The following UXT variants were observed in gnomAD, a reference collection of about 807,000 sequenced individuals.
UXT encodes ubiquitously expressed prefoldin like chaperone.
For missense variants in UXT, 111 were observed against 132.7 expected, an observed-to-expected ratio of 0.84 and a Z score of 0.80; for synonymous variants, 54 against 52.8, an observed-to-expected ratio of 1.02 and a Z score of -0.10.
chrX:47,656,788 T>A (rs1029526862), intron 4 of UXT, among the ~76,000 whole-genome samples: 1 of 111,672 alleles, frequency 9.0e-6, no homozygotes, highest in Non-Finnish European at 1.9e-5. Flanking sequence ...AGTGAAATCA[T>A]AGGTAACTAG....
intron 1 of UXT, 101 bp downstream of exon 2, chrX:47,658,729 G>C: frequency 1.9e-6 from 2 of 1,034,974 alleles, no homozygotes; most frequent in Non-Finnish European, 2.5e-6. Flanking sequence ...GCCGGACTCT[G>C]AACGCCTCGC....
In UXT at chrX:47,658,950, AG is replaced by A; in HGVS notation, c.13del (p.Leu5SerfsTer60). 1 of 1,208,725 alleles carries A rather than the reference AG, an allele frequency of 8.3e-7. No homozygotes were observed. Among genetic ancestry groups the A allele is most frequent in the Non-Finnish European group, 1.1e-6 (1 of 893,643 alleles). Reference sequence around the variant, plus strand: ...CATGATGGGCTCCTGGGGAGTGGGGAGGGGGAAGACCATGTTGACCGATCCA... The same window carrying A: ...CATGATGGGCTCCTGGGGAGTGGGGAGGGGAAGACCATGTTGACCGATCCA... On this transcript the variant is annotated frameshift_variant, in exon 1 of 6. Transcript: ENST00000335890. LOFTEE classifies it high-confidence loss of function.
chrX:47,657,183 T>C lies in UXT; in HGVS notation c.392A>G (p.Glu131Gly), dbSNP rs2058086226. The change falls in exon 4 of 6, where the codon GAG becomes GGG. Residue 131 changes from glutamate (E) to glycine (G), a missense_variant and splice_region_variant. By Grantham distance (98) the Glu-to-Gly change is moderately conservative. Coordinates refer to ENST00000335890, the MANE Select transcript of UXT (RefSeq NM_153477.3). Reference sequence around the variant, plus strand: ...CACTATCCTCATGGAATGGACTTACTCTGTGAGGAGAGAGCTCTTACGATC... The same window carrying C: ...CACTATCCTCATGGAATGGACTTACCCTGTGAGGAGAGAGCTCTTACGATC... 6.7e-6 allele frequency: 8 copies of C among 1,193,128 alleles called. No individual in the cohort carries two copies. Among genetic ancestry groups the C allele is most frequent in the Non-Finnish European group, 9.1e-6 (8 of 883,886 alleles).
At chrX:47,653,350 C>T (rs2058073964) in intron 4 of UXT, among the ~76,000 whole-genome samples, 1 of 112,028 alleles carries the variant, frequency 8.9e-6, no homozygotes, top group African/African-American at 3.3e-5. Flanking sequence ...CCAGAACTCT[C>T]TCCTGAACTT....
In UXT at chrX:47,651,865, A is replaced by T. The variant is rs781096016; in HGVS notation, c.487T>A (p.Phe163Ile). 1 of 1,211,740 alleles carries T rather than the reference A, an allele frequency of 8.3e-7. No individual in the cohort carries two copies. Among genetic ancestry groups the T allele is most frequent in the East Asian group, 3.0e-5 (1 of 33,865 alleles). The stretch of plus-strand genomic sequence containing the variant: ...AGTCAATGGTGAGGCTTCTCTGGGA[A>T]ATTCTGCAGGCCTTGTAGTTCTCTA... The change falls in exon 6 of 6, where the codon TTC becomes ATC. Residue 163 changes from phenylalanine (F) to isoleucine (I), a missense_variant. Phe to Ile is a conservative substitution (Grantham distance 21). Coordinates refer to ENST00000335890, the MANE Select transcript of UXT (RefSeq NM_153477.3).
At chrX:47,654,532 T>A (rs1012450779) in intron 4 of UXT, among the ~76,000 whole-genome samples, 26 of 111,411 alleles carry the variant, frequency 2.3e-4, no homozygotes, top group Non-Finnish European at 7.5e-5. Context: ...TATAATTACA[T>A]GTCTATTCAT....
intron 4 of UXT, among the ~76,000 whole-genome samples, chrX:47,655,258 C>T (rs1027508324): frequency 1.8e-5 from 2 of 112,134 alleles, no homozygotes; most frequent in Non-Finnish European, 3.8e-5. Flanking sequence ...CCAGCCTGGG[C>T]GACAAGAGCA....
rs2147948250 is a variant in UXT, at chrX:47,651,857, C to T, written c.495G>A (p.Glu165=). ...GGGGAAGAAGTCAATGGTGAGGCTT[C>T]TCTGGGAAATTCTGCAGGCCTTGTA... Residue 165 remains glutamate (E), a synonymous_variant, in exon 6 of 6, where the codon GAG becomes GAA. Coordinates refer to ENST00000335890, the MANE Select transcript of UXT (RefSeq NM_153477.3). 8.3e-7 allele frequency: 1 copy of T among 1,211,564 alleles called. No individual in the cohort carries two copies. The highest frequency in any genetic ancestry group is 1.1e-6 in the Non-Finnish European group (1 of 895,321).
Position 47,657,793 on chromosome X carries a change from C to T in UXT, c.205G>A (p.Glu69Lys), listed in dbSNP as rs1603100827. The T allele has an allele frequency of 1.7e-6, 2 of 1,183,650 alleles. No homozygotes were observed. The highest frequency in any genetic ancestry group is 3.0e-5 in the East Asian group (1 of 33,515). ...CCCATAGTCTTTACCTGGAGTCGCT[C>T]AATGACATTTCTCAGTTGAAGGTAT... Residue 69 changes from glutamate to lysine, a missense_variant, in exon 2 of 6, where the codon GAG (glutamate) becomes AAG (lysine). Coordinates refer to ENST00000335890, the MANE Select transcript of UXT (RefSeq NM_153477.3).
chrX:47,652,848 G>A (rs191876898), intron 4 of UXT, among the ~76,000 whole-genome samples: 90 of 112,288 alleles, frequency 8.0e-4, no homozygotes, highest in African/African-American at 2.8e-3. Flanking sequence ...GGTTGCAGCA[G>A]AGGAAGGAGG....
In UXT at chrX:47,659,107, G is replaced by A. The variant is rs1036773231; in HGVS notation, c.-144C>T. The A allele has an allele frequency of 4.3e-6, 4 of 931,002 alleles. No individual in the cohort carries two copies. Among genetic ancestry groups the A allele is most frequent in the East Asian group, 3.4e-5 (1 of 29,741 alleles). The allele number at this position is 931,002 out of a possible 1,213,427, so 76.7% of individuals were successfully genotyped here. On this transcript the variant is annotated 5_prime_UTR_variant, in exon 1 of 6. Transcript: ENST00000335890. ...GACCACCCAGGGACACCCAAGCGCG[G>A]CCTTTACCTCAGGCCGCCAGCAATA...
At chrX:47,652,703 C>T (rs2058071759) in intron 4 of UXT, among the ~76,000 whole-genome samples, 1 of 111,412 alleles carries the variant, frequency 9.0e-6, no homozygotes, top group Non-Finnish European at 1.9e-5. Flanking sequence ...GCCACTCTGG[C>T]TGGAGAAGAA....
chrX:47,656,303 G>A (rs1349123490), intron 4 of UXT, among the ~76,000 whole-genome samples: 2 of 111,757 alleles, frequency 1.8e-5, no homozygotes, highest in Admixed American at 9.5e-5. Context: ...AACAGTCACT[G>A]CATTCCAGCC....
intron 4 of UXT, chrX:47,656,974 A>G (rs1464602669): frequency 7.3e-6 from 3 of 411,690 alleles, no homozygotes; most frequent in Non-Finnish European, 1.3e-5. Flanking sequence ...TGCCCAATAA[A>G]TGTTTGCGTG....
chrX:47,658,007 G>T (rs2058089579), intron 1 of UXT, 144 bp from the exon 3 acceptor site: 1 of 402,289 alleles, frequency 2.5e-6, no homozygotes, highest in Non-Finnish European at 3.9e-6. Flanking sequence ...CTCTGGGTCA[G>T]ACTGCCTGGG....
Position 47,658,231 on chromosome X carries a change from C to T in UXT, c.135-368G>A, listed in dbSNP as rs373201922. 4.5e-5 allele frequency among the ~76,000 whole-genome samples: 5 copies of T among 111,664 alleles called. No homozygotes were observed. The East Asian group carries it at 1.4e-3, about 31-fold the overall frequency. ...GTTAGTTATAATTACTATTATTATA[C>T]TCCCAATACTGAACTCCAATCATAA... is the stretch of plus-strand genomic sequence containing the variant. On this transcript the variant is annotated intron_variant, in intron 1 of 5. Coordinates refer to ENST00000335890, the MANE Select transcript of UXT (RefSeq NM_153477.3).
Position 47,655,601 on chromosome X carries a change from A to G in UXT, c.392+1582T>C, listed in dbSNP as rs188415886. Among the ~76,000 whole-genome samples the G allele has an allele frequency of 1.2e-4, 13 of 112,784 alleles. No homozygotes were observed. In the East Asian group the frequency reaches 3.6e-3, roughly 31 times the overall value. On this transcript the variant is annotated intron_variant, in intron 4 of 5. Coordinates refer to ENST00000335890, the MANE Select transcript of UXT (RefSeq NM_153477.3). Reference sequence around the variant, plus strand: ...ACACTTGTGAGATGTTGTTAATCTAAGTGTATTGCTCAGTGCCCCCATGCT... The same window carrying G: ...ACACTTGTGAGATGTTGTTAATCTAGGTGTATTGCTCAGTGCCCCCATGCT...
Position 47,657,079 on chromosome X carries a change from G to A in UXT, c.392+104C>T. On this transcript the variant is annotated intron_variant, in intron 4 of 5. Transcript: ENST00000335890. Reference sequence around the variant, plus strand: ...CTTCAGCCCCAGCTCTGAAGAGGAGGGGAGATGAGTCCTTAAGTATCATTC... The same window carrying A: ...CTTCAGCCCCAGCTCTGAAGAGGAGAGGAGATGAGTCCTTAAGTATCATTC... 14 of 658,212 alleles carry A rather than the reference G, an allele frequency of 2.1e-5. No homozygotes were observed. The South Asian group carries it at 2.5e-4, about 12-fold the overall frequency. 54.2% of individuals were successfully genotyped at this position (658,212 alleles called of 1,213,427 possible). A position where few individuals can be genotyped will look rare whatever the true frequency, so the allele number is the denominator to read the frequency against.
Position 47,651,909 on chromosome X carries a change from C to T in UXT, c.457-14G>A. On this transcript the variant is annotated splice_polypyrimidine_tract_variant and intron_variant, in intron 5 of 5. Coordinates refer to ENST00000335890, the MANE Select transcript of UXT (RefSeq NM_153477.3). The stretch of plus-strand genomic sequence containing the variant: ...TTCTCTAAGCCCCTGAAAAAGAGGA[C>T]AGAAGAGATTGAACAAAGACTGGGT... 12 of 1,209,827 alleles carry T rather than the reference C, an allele frequency of 9.9e-6. No homozygotes were observed. Among genetic ancestry groups the T allele is most frequent in the African/African-American group, 1.7e-5 (1 of 57,810 alleles).
Sources: allele counts gnomAD v4.1 joint callset (sites outside exome capture counted in the v4.1 genomes callset), GRCh38; gene constraint gnomAD v4.1.1; transcripts MANE v1.5; gene names NCBI Gene and HGNC (gene_info 2026-07-23, HGNC 2026-07-21).